CC2D2A: variants seen among roughly 807,000 people sequenced by gnomAD.
CC2D2A encodes the protein coiled-coil and C2 domain containing 2A, also known as coiled-coil and C2 domain-containing protein 2A.
Under a neutral mutation model 212.9 loss-of-function variants are expected in CC2D2A, and 155 were observed. That is an observed-to-expected ratio of 0.73 (90% confidence interval 0.64 to 0.83). The LOEUF is 0.83. Among genes scored for constraint, CC2D2A ranks in the 40% least tolerant of loss-of-function variants. CC2D2A has a pLI of 0.00. For missense variants in CC2D2A, 1,856 were observed against 1,956.2 expected, an observed-to-expected ratio of 0.95 and a Z score of 0.97; for synonymous variants, 667 against 686.5, an observed-to-expected ratio of 0.97 and a Z score of 0.44.
At chr4:15,567,865 A>G (rs1456695025) in intron 26 of CC2D2A, 79 bp downstream of exon 26, 7 of 1,023,098 alleles carry the variant, frequency 6.8e-6, no homozygotes, top group East Asian at 2.9e-5. Context: ...AGAAACGGCT[A>G]AGGTGAAGGA....
At chr4:15,561,869 A>C (rs558697241) in intron 23 of CC2D2A, among the ~76,000 whole-genome samples, 1 of 152,216 alleles carries the variant, frequency 6.6e-6, no homozygotes, top group Non-Finnish European at 1.5e-5. Context: ...TGAGCTATAT[A>C]GTCACAGTGA....
intron 4 of CC2D2A, among the ~76,000 whole-genome samples, chr4:15,487,612 A>C (rs909445831): frequency 6.6e-6 from 1 of 151,716 alleles, no homozygotes; most frequent in Admixed American, 6.6e-5. Flanking sequence ...CAGCCAATCT[A>C]TGTCTTTTGA....
In CC2D2A at chr4:15,567,686, C is replaced by A. The variant is rs767086890; in HGVS notation, c.3298C>A (p.Arg1100Ser). Residue 1100 changes from arginine to serine, a missense_variant, in exon 26 of 37, where the codon CGT (arginine) becomes AGT (serine). Arg to Ser is a moderately radical substitution (Grantham distance 110). Coordinates refer to ENST00000424120, the MANE Select transcript of CC2D2A (RefSeq NM_001378615.1). ...ADYPLGQVLV[R>S]PFVEVSFQRT... Reference sequence around the variant, plus strand: ...TGCTCTTGATTTTAAGGTTTTAGTACGTCCCTTTGTAGAAGTCTCTTTTCA... The same window carrying A: ...TGCTCTTGATTTTAAGGTTTTAGTAAGTCCCTTTGTAGAAGTCTCTTTTCA... 6.2e-7 allele frequency: 1 copy of A among 1,600,260 alleles called. No homozygotes were observed. Among genetic ancestry groups the A allele is most frequent in the Non-Finnish European group, 8.5e-7 (1 of 1,175,608 alleles).
intron 6 of CC2D2A, among the ~76,000 whole-genome samples, chr4:15,507,384 A>G (rs1039671695): frequency 6.6e-6 from 1 of 152,200 alleles, no homozygotes; most frequent in African/African-American, 2.4e-5. Flanking sequence ...TATTCTGGCC[A>G]TTACTGGACA....
chr4:15,571,809 A>C (rs1000156867), intron 28 of CC2D2A, among the ~76,000 whole-genome samples: 4 of 152,200 alleles, frequency 2.6e-5, no homozygotes, highest in Non-Finnish European at 5.9e-5. Flanking sequence ...TTATTTTGCA[A>C]ATCACACTGC....
chr4:15,512,989 T>C (rs2109009611), intron 8 of CC2D2A, among the ~76,000 whole-genome samples: 1 of 151,990 alleles, frequency 6.6e-6, no homozygotes, highest in South Asian at 2.1e-4. Flanking sequence ...GACTTCATGT[T>C]ATATATATTT....
chr4:15,559,082 A>G, intron 21 of CC2D2A, 83 bp from the exon 22 acceptor site: 1 of 852,500 alleles, frequency 1.2e-6, no homozygotes, highest in Admixed American at 3.0e-5. Context: ...GTTATAACTT[A>G]AATCATATGT....
intron 20 of CC2D2A, among the ~76,000 whole-genome samples, chr4:15,555,422 G>A (rs1229451331): frequency 6.6e-6 from 1 of 152,168 alleles, no homozygotes; most frequent in African/African-American, 2.4e-5. Context: ...GCGGGGTCAT[G>A]AGGAAATGAA....
chr4:15,497,578 A>G (rs148213547), intron 4 of CC2D2A, among the ~76,000 whole-genome samples: 3 of 152,230 alleles, frequency 2.0e-5, no homozygotes, highest in African/African-American at 7.2e-5. Flanking sequence ...TAGAGGAATT[A>G]CCCAAATGTT....
At position 15,557,507 on chromosome 4, in the gene CC2D2A, G is replaced by T. The variant is rs1252162934; in HGVS notation, c.2829G>T (p.Gln943His). Residue 943 changes from glutamine (Q) to histidine (H), a missense_variant and splice_region_variant, in exon 21 of 37, where the codon CAG becomes CAT. Physicochemically the swap from Gln to His is conservative, Grantham distance 24 (BLOSUM62 0). Coordinates refer to ENST00000424120, the MANE Select transcript of CC2D2A (RefSeq NM_001378615.1). Reference protein sequence around the residue: ...YDREIMEKVFQDYEKRLRDRN... With the variant: ...YDREIMEKVFHDYEKRLRDRN... ...GAGAAATTATGGAAAAGGTATTCCA[G>T]GTAAGAAACTGCCATAGAGGGGTTA... 3.1e-6 allele frequency: 5 copies of T among 1,593,166 alleles called. No individual in the cohort carries two copies. The Admixed American group carries it at 8.7e-5, about 28-fold the overall frequency.
intron 24 of CC2D2A, among the ~76,000 whole-genome samples, chr4:15,565,869 C>T (rs1346933800): frequency 6.6e-6 from 1 of 152,138 alleles, no homozygotes; most frequent in Non-Finnish European, 1.5e-5. Flanking sequence ...ACTTTGGCCT[C>T]CCAAAGTGCT....
intron 17 of CC2D2A, among the ~76,000 whole-genome samples, chr4:15,545,068 T>G (rs1718639468): frequency 6.6e-6 from 1 of 152,342 alleles, no homozygotes; most frequent in East Asian, 1.9e-4. Flanking sequence ...TTTTTAAGAC[T>G]GAGTAGTGAC....
chr4:15,524,574 C>A (rs890383127), intron 11 of CC2D2A, among the ~76,000 whole-genome samples: 1 of 151,700 alleles, frequency 6.6e-6, no homozygotes, highest in African/African-American at 2.4e-5. Flanking sequence ...CCTCAGCCTC[C>A]CAAGTAGCTG....
chr4:15,485,174 A>G (rs9998686), intron 4 of CC2D2A, among the ~76,000 whole-genome samples: 70,741 of 152,088 alleles, frequency 0.47, 17,109 homozygotes, highest in African/African-American at 0.58. Context: ...CATTCTACTC[A>G]CTATCTCTAT....
At chr4:15,535,114 G>C (rs1718057466) in intron 14 of CC2D2A, among the ~76,000 whole-genome samples, 1 of 152,196 alleles carries the variant, frequency 6.6e-6, no homozygotes. Context: ...CTGCCACTTA[G>C]TATCTGCTCA....
chr4:15,502,800 A>T, intron 5 of CC2D2A, 22 bp from the exon 6 acceptor site: 8 of 1,583,152 alleles, frequency 5.1e-6, no homozygotes, highest in Non-Finnish European at 6.9e-6. Flanking sequence ...ATGTAGCAGT[A>T]AATTTCTGTT....
At chr4:15,506,153 A>C (rs1716243914) in intron 6 of CC2D2A, among the ~76,000 whole-genome samples, 1 of 152,232 alleles carries the variant, frequency 6.6e-6, no homozygotes, top group South Asian at 2.1e-4. Flanking sequence ...TTATTACTTT[A>C]AGATTATACA....
chr4:15,562,612 G>A (rs1022715839), intron 23 of CC2D2A, among the ~76,000 whole-genome samples: 9 of 152,228 alleles, frequency 5.9e-5, no homozygotes, highest in Admixed American at 1.3e-4. Context: ...ACCATTTTAG[G>A]ACATCTACTA....
At position 15,586,159 on chromosome 4, in the gene CC2D2A, A is replaced by C. The variant is rs1166361679; in HGVS notation, c.3978A>C (p.Glu1326Asp). ...TAAAGCTCATTTTGATTATACAGGA[A>C]CTGGTGGCTCGATATGTGTCCTTGA... ...VYPNNLQATA[E>D]LVARYVSLIP... The change falls in exon 31 of 37, where the codon GAA becomes GAC. Residue 1326 changes from glutamate (E) to aspartate (D), a missense_variant and splice_region_variant. Coordinates refer to ENST00000424120, the MANE Select transcript of CC2D2A (RefSeq NM_001378615.1). The C allele has an allele frequency of 6.2e-7, 1 of 1,608,924 alleles. No homozygotes were observed. The highest frequency in any genetic ancestry group is 1.7e-5 in the Admixed American group (1 of 59,780).
Sources: gnomAD v4.1 joint callset for allele counts (sites outside exome capture counted in the v4.1 genomes callset) on GRCh38, gnomAD v4.1.1 for gene constraint, MANE v1.5 for transcripts, NCBI Gene and HGNC (gene_info 2026-07-23, HGNC 2026-07-21) for gene names.